Variants in ENAM observed in about 807,000 individuals in gnomAD.
ENAM encodes amelogenesis imperfecta 2, hypocalcification (autosomal dominant).
ENAM carries 21 observed loss-of-function variants against 33.6 expected under a neutral mutation model. The ratio of observed to expected loss-of-function variants is 0.63; its 90% confidence interval spans 0.44 to 0.90. The LOEUF is 0.90. Among genes scored for constraint, ENAM ranks in the 40% least tolerant of loss-of-function variants. ENAM has a pLI of 0.00. For missense variants in ENAM, 1,388 were observed against 1,366.9 expected, an observed-to-expected ratio of 1.02 and a Z score of -0.24; for synonymous variants, 473 against 468.4, an observed-to-expected ratio of 1.01 and a Z score of -0.13.
intron 2 of ENAM, 44 bp downstream of exon 2, chr4:70,629,598 A>G (rs1738259583): frequency 1.5e-6 from 2 of 1,357,516 alleles, no homozygotes; most frequent in Non-Finnish European, 2.1e-6. Flanking sequence ...CAGGTTCTCA[A>G]ACTAGATACT....
chr4:70,632,970 G>C (rs894449341), intron 5 of ENAM, among the ~76,000 whole-genome samples: 1 of 151,856 alleles, frequency 6.6e-6, no homozygotes, highest in Non-Finnish European at 1.5e-5. Context: ...AAGAAAAGAT[G>C]GTTCTGGGAA....
chr4:70,642,129 G>A lies in ENAM; in HGVS notation c.703G>A (p.Ala235Thr). ...ACCCAAAGAAGAAGATCCTCCTAAA[G>A]CAGAAAGTCCAGGCACAGAACCCAC... is the stretch of plus-strand genomic sequence containing the variant. ...EKPKEEDPPK[A>T]ESPGTEPTAN... The change falls in exon 9 of 9, where the codon GCA (alanine) becomes ACA (threonine). Residue 235 changes from alanine (A) to threonine (T), a missense_variant. Transcript: ENST00000396073. The A allele has an allele frequency of 6.2e-7, 1 of 1,614,120 alleles. No homozygotes were observed. Among genetic ancestry groups the A allele is most frequent in the Non-Finnish European group, 8.5e-7 (1 of 1,180,012 alleles).
chr4:70,645,195 G>C lies in ENAM; in HGVS notation c.*340G>C. On this transcript the variant is annotated 3_prime_UTR_variant, in exon 9 of 9. Transcript: ENST00000396073. The stretch of plus-strand genomic sequence containing the variant: ...TCAAAGTTCCATACTTGCAAAATTG[G>C]TTTTTCAAGACTGAAAGGCAGATTA... 3 of 477,374 alleles carry C rather than the reference G, an allele frequency of 6.3e-6. No individual in the cohort carries two copies. The highest frequency in any genetic ancestry group is 3.4e-5 in the South Asian group (1 of 29,776). The allele number at this position is 477,374 out of a possible 1,614,324, so 29.6% of individuals were successfully genotyped here.
At position 70,634,301 on chromosome 4, in the gene ENAM, C is replaced by A; in HGVS notation, c.211-7C>A. The A allele has an allele frequency of 6.2e-7, 1 of 1,613,808 alleles. No homozygotes were observed. The highest frequency in any genetic ancestry group is 8.5e-7 in the Non-Finnish European group (1 of 1,179,784). On this transcript the variant is annotated splice_polypyrimidine_tract_variant and splice_region_variant and intron_variant, in intron 5 of 8. Coordinates refer to ENST00000396073, the MANE Select transcript of ENAM (RefSeq NM_031889.3). The stretch of plus-strand genomic sequence containing the variant: ...TATGATTTCACTATTATTTGCTACC[C>A]TTTCAGATGGCACACCTGGGGCCCT...
At chr4:70,635,248 G>A (rs186563696) in intron 6 of ENAM, among the ~76,000 whole-genome samples, 28 of 152,192 alleles carry the variant, frequency 1.8e-4, no homozygotes, top group South Asian at 4.1e-4. Context: ...TTGGTGGTGC[G>A]TGCCTGTAAT....
At position 70,643,112 on chromosome 4, in the gene ENAM, T is replaced by G; in HGVS notation, c.1686T>G (p.Ala562=). 1.2e-6 allele frequency: 2 copies of G among 1,613,988 alleles called. No homozygotes were observed. The highest frequency in any genetic ancestry group is 1.7e-6 in the Non-Finnish European group (2 of 1,179,992). ...IPSPAKEHFP[A]GRNTWDHQEI... ...CTCCTGCAAAAGAACATTTTCCTGC[T>G]GGAAGAAATACTTGGGACCACCAAG... Residue 562 remains alanine (A), a synonymous_variant, in exon 9 of 9, where the codon GCT becomes GCG. Transcript: ENST00000396073.
chr4:70,639,745 T>C (rs561244626), intron 8 of ENAM, among the ~76,000 whole-genome samples: 4 of 152,158 alleles, frequency 2.6e-5, no homozygotes, highest in African/African-American at 9.6e-5. Context: ...AAATGTTAGG[T>C]GAACGTGGTG....
In ENAM at chr4:70,642,106, C is replaced by G. The variant is rs765695539; in HGVS notation, c.680C>G (p.Pro227Arg). ...ATGTTTGAACAAGATTTTGAAAAAC[C>G]CAAAGAAGAAGATCCTCCTAAAGCA... ...EEMFEQDFEK[P>R]KEEDPPKAES... Residue 227 changes from proline to arginine, a missense_variant, in exon 9 of 9, where the codon CCC (proline) becomes CGC (arginine). By Grantham distance (103) the Pro-to-Arg change is moderately radical. Transcript: ENST00000396073. 8 of 1,613,998 alleles carry G rather than the reference C, an allele frequency of 5.0e-6. No individual in the cohort carries two copies. The South Asian group carries it at 7.7e-5, about 16-fold the overall frequency.
chr4:70,639,526 G>T (rs910353701), intron 8 of ENAM, among the ~76,000 whole-genome samples: 3 of 152,166 alleles, frequency 2.0e-5, no homozygotes, highest in African/African-American at 7.2e-5. Context: ...GGAGGGGAAG[G>T]TTGCAGTGAG....
At position 70,644,999 on chromosome 4, in the gene ENAM, G is replaced by C; in HGVS notation, c.*144G>C. On this transcript the variant is annotated 3_prime_UTR_variant, in exon 9 of 9. Coordinates refer to ENST00000396073, the MANE Select transcript of ENAM (RefSeq NM_031889.3). ...GTTTTCTCCCCTCTCAGCAATAGGAGTAGCGACCCAGGTGGAGCTGAGATT... is the reference window on the plus strand; with the variant it reads ...GTTTTCTCCCCTCTCAGCAATAGGACTAGCGACCCAGGTGGAGCTGAGATT... 1.3e-5 allele frequency: 9 copies of C among 710,884 alleles called. No individual in the cohort carries two copies. Among genetic ancestry groups the C allele is most frequent in the Non-Finnish European group, 1.8e-5 (7 of 399,708 alleles). 44.0% of individuals were successfully genotyped at this position (710,884 alleles called of 1,614,324 possible). A position where few individuals can be genotyped will look rare whatever the true frequency, so the allele number is the denominator to read the frequency against.
At chr4:70,629,586 T>C in intron 2 of ENAM, 32 bp downstream of exon 2, 1 of 1,499,964 alleles carries the variant, frequency 6.7e-7, no homozygotes, top group Non-Finnish European at 9.3e-7. Context: ...TGCCAATACA[T>C]ACAGGTTCTC....
rs1172522288 is a variant in ENAM at position 70,644,408 on chromosome 4, G to A, written c.2982G>A (p.Gly994=). 13 of 1,614,018 alleles carry A rather than the reference G, an allele frequency of 8.1e-6. No homozygotes were observed. Among genetic ancestry groups the A allele is most frequent in the Non-Finnish European group, 1.0e-5 (12 of 1,180,010 alleles). The part of the protein sequence containing the change: ...PCLKNDLGGD[G]NNILEQVFED... ...TCAAAAATGATCTTGGAGGAGATGGGAACAACATTCTGGAACAAGTTTTTG... is the reference window on the plus strand; with the variant it reads ...TCAAAAATGATCTTGGAGGAGATGGAAACAACATTCTGGAACAAGTTTTTG... The change falls in exon 9 of 9, where the codon GGG becomes GGA. Residue 994 remains glycine (G), a synonymous_variant. Coordinates refer to ENST00000396073, the MANE Select transcript of ENAM (RefSeq NM_031889.3).
In ENAM at chr4:70,644,995, A is replaced by G. The variant is rs2148524229; in HGVS notation, c.*140A>G. On this transcript the variant is annotated 3_prime_UTR_variant, in exon 9 of 9. Transcript: ENST00000396073. The stretch of plus-strand genomic sequence containing the variant: ...TTAAGTTTTCTCCCCTCTCAGCAAT[A>G]GGAGTAGCGACCCAGGTGGAGCTGA... 1.4e-6 allele frequency: 1 copy of G among 723,624 alleles called. No homozygotes were observed. Among genetic ancestry groups the G allele is most frequent in the East Asian group, 2.7e-5 (1 of 37,372 alleles). The allele number at this position is 723,624 out of a possible 1,614,324, so 44.8% of individuals were successfully genotyped here.
At chr4:70,633,384 T>C (rs1738372705) in intron 5 of ENAM, among the ~76,000 whole-genome samples, 1 of 152,186 alleles carries the variant, frequency 6.6e-6, no homozygotes, top group Non-Finnish European at 1.5e-5. Context: ...TCCTCAACTT[T>C]TGATTGGCTC....
intron 6 of ENAM, among the ~76,000 whole-genome samples, 179 bp from the exon 7 acceptor site, chr4:70,635,653 T>A (rs1470981925): frequency 1.3e-5 from 2 of 152,236 alleles, no homozygotes; most frequent in African/African-American, 4.8e-5. Flanking sequence ...GAGCCTGGAA[T>A]GTGTGTCCAA....
In ENAM at chr4:70,645,676, T is replaced by G. The variant is rs1738742891; in HGVS notation, c.*821T>G. 6.6e-6 allele frequency: 1 copy of G among 152,194 alleles called. No individual in the cohort carries two copies. The highest frequency in any genetic ancestry group is 2.4e-5 in the African/African-American group (1 of 41,424). The allele number at this position is 152,194 out of a possible 1,614,324, so 9.4% of individuals were successfully genotyped here. On this transcript the variant is annotated 3_prime_UTR_variant, in exon 9 of 9. Coordinates refer to ENST00000396073, the MANE Select transcript of ENAM (RefSeq NM_031889.3). ...TTTTCATCTTAAGACTGCATGTCAC[T>G]CTCTTCCTTTTTGTATCCACTCTCC...
rs1018691670 is a variant in ENAM at position 70,634,327 on chromosome 4, T to C, written c.230T>C (p.Phe77Ser). The C allele has an allele frequency of 1.9e-6, 3 of 1,614,070 alleles. No homozygotes were observed. In the East Asian group the frequency reaches 6.7e-5, roughly 36 times the overall value. The change falls in exon 6 of 9, where the codon TTC (phenylalanine) becomes TCC (serine). Residue 77 changes from phenylalanine to serine, a missense_variant. Transcript: ENST00000396073. ...TTTCAGATGGCACACCTGGGGCCCTTCTTTGGAAACGGTCTCCCTCAGCAA... is the reference window on the plus strand; with the variant it reads ...TTTCAGATGGCACACCTGGGGCCCTCCTTTGGAAACGGTCTCCCTCAGCAA... ...NGPHMAHLGP[F>S]FGNGLPQQFP...
Position 70,644,255 on chromosome 4 carries a change from C to A in ENAM, c.2829C>A (p.Asn943Lys), listed in dbSNP as rs777712954. Residue 943 changes from asparagine (N) to lysine (K), a missense_variant, in exon 9 of 9, where the codon AAC becomes AAA. Physicochemically the swap from Asn to Lys is moderately conservative, Grantham distance 94. Transcript: ENST00000396073. ...RNSSEKRESQ[N>K]PFRDDVSTLR... is the part of the protein sequence containing the mutation. ...GCTCAGAGAAGAGGGAAAGCCAAAA[C>A]CCTTTTAGAGATGATGTGTCCACGC... The A allele has an allele frequency of 4.3e-6, 7 of 1,614,198 alleles. No homozygotes were observed. Among genetic ancestry groups the A allele is most frequent in the Non-Finnish European group, 5.9e-6 (7 of 1,180,026 alleles).
intron 2 of ENAM, among the ~76,000 whole-genome samples, chr4:70,630,931 A>G (rs539407827): frequency 6.6e-6 from 1 of 151,954 alleles, no homozygotes; most frequent in Non-Finnish European, 1.5e-5. Context: ...TAGTAGAGAC[A>G]AGGTTTCACC....
Sources: gnomAD v4.1 joint callset for allele counts (sites outside exome capture counted in the v4.1 genomes callset) on GRCh38, gnomAD v4.1.1 for gene constraint, MANE v1.5 for transcripts, NCBI Gene and HGNC (gene_info 2026-07-23, HGNC 2026-07-21) for gene names.